Variants in DCAF6 observed in about 807,000 individuals in gnomAD.
DCAF6 encodes the protein DDB1- and CUL4-associated factor 6.
Under a neutral mutation model 125.1 loss-of-function variants are expected in DCAF6, and 54 were observed. The observed-to-expected ratio is 0.43, with a 90% CI of 0.35 to 0.54. The LOEUF (loss-of-function observed/expected upper bound fraction) is 0.54. Among genes scored for constraint, DCAF6 ranks in the 20% least tolerant of loss-of-function variants. The probability of loss-of-function intolerance (pLI) is 0.01; values close to 1 mark genes in which losing one functional copy is unlikely to be tolerated. For synonymous variants in DCAF6, 371 were observed against 390.4 expected (o/e 0.95, Z 0.58); for missense variants, 934 against 1,161.7 (o/e 0.80, Z 2.85).
intron 1 of DCAF6, among the ~76,000 whole-genome samples, chr1:167,943,425 G>T (rs76636756): frequency 0.024 from 3,661 of 152,140 alleles, 130 homozygotes; most frequent in African/African-American, 0.081. Flanking sequence ...AGCATTCTTT[G>T]ATTCTCTCAG....
intron 21 of DCAF6, among the ~76,000 whole-genome samples, chr1:168,074,135 G>C (rs929467257): frequency 6.6e-6 from 1 of 151,730 alleles, no homozygotes; most frequent in Non-Finnish European, 1.5e-5. Flanking sequence ...AGTTGGCATA[G>C]AGGAGATTTA....
intron 1 of DCAF6, among the ~76,000 whole-genome samples, chr1:167,938,074 C>G (rs977805125): frequency 6.6e-6 from 1 of 152,138 alleles, no homozygotes; most frequent in Non-Finnish European, 1.5e-5. Flanking sequence ...TTTAGTGTCT[C>G]AAGTAAAATA....
At chr1:167,900,734 G>T in the DCAF6 span, among the ~76,000 whole-genome samples, 1 of 152,152 alleles carries the variant, frequency 6.6e-6, no homozygotes, top group Non-Finnish European at 1.5e-5. Context: ...GTTTCACCAT[G>T]TTGGTCAGGC....
chr1:168,026,077 A>T (rs1479546881), intron 12 of DCAF6, among the ~76,000 whole-genome samples: 1 of 152,080 alleles, frequency 6.6e-6, no homozygotes, highest in Non-Finnish European at 1.5e-5. Context: ...ACTCACTGAG[A>T]TGTTACTCTC....
chr1:167,936,192 A>C, upstream of DCAF6: 1 of 269,022 alleles, frequency 3.7e-6, no homozygotes, highest in Non-Finnish European at 7.2e-6. Flanking sequence ...GCCCGCCATG[A>C]TTGGCCCGCC....
At chr1:167,918,594 C>CTTTT in the DCAF6 span, among the ~76,000 whole-genome samples, 5 of 133,190 alleles carry the variant, frequency 3.8e-5, no homozygotes, top group Non-Finnish European at 4.8e-5. Flanking sequence ...CTGCCAAAAA[C>CTTTT]TTTTTTTTTT....
chr1:167,940,220 A>T (rs934306233), intron 1 of DCAF6, among the ~76,000 whole-genome samples: 2 of 152,364 alleles, frequency 1.3e-5, no homozygotes, highest in Admixed American at 6.5e-5. Flanking sequence ...GTTATTTATG[A>T]TTAAAAGATA....
At chr1:167,888,794 T>C in the DCAF6 span, among the ~76,000 whole-genome samples, 1 of 104,830 alleles carries the variant, frequency 9.5e-6, no homozygotes, top group Non-Finnish European at 1.9e-5. Context: ...GAGAATAGAG[T>C]GAACCCGGGA....
At chr1:167,937,188 C>T (rs1671406045) in intron 1 of DCAF6, 180 bp downstream of exon 1, 1 of 612,294 alleles carries the variant, frequency 1.6e-6, no homozygotes, top group Non-Finnish European at 3.0e-6. Flanking sequence ...GTCAAGCCCC[C>T]TGTGCATGCT....
intron 18 of DCAF6, chr1:168,064,079 A>ATTTTTTTTTTTTT: frequency 1.1e-5 from 1 of 92,412 alleles, no homozygotes; most frequent in Non-Finnish European, 2.1e-5. Flanking sequence ...TTTCTGGTGG[A>ATTTTTTTTTTTTT]TTTTTTTTTT....
the DCAF6 span, among the ~76,000 whole-genome samples, chr1:167,916,195 T>C: frequency 6.7e-6 from 1 of 149,706 alleles, no homozygotes; most frequent in Non-Finnish European, 1.5e-5. Context: ...AATGAGAGTT[T>C]TTGACAGGAT....
chr1:168,068,286 G>T, intron 20 of DCAF6, 72 bp from the exon 21 acceptor site: 1 of 1,038,890 alleles, frequency 9.6e-7, no homozygotes, highest in Admixed American at 1.9e-5. Context: ...ATTGTTTACG[G>T]TTTGCCTGAT....
intron 2 of DCAF6, among the ~76,000 whole-genome samples, chr1:167,953,997 A>G (rs1177668799): frequency 1.3e-5 from 2 of 149,860 alleles, no homozygotes; most frequent in Non-Finnish European, 3.0e-5. Flanking sequence ...CATTATTTTC[A>G]CTCTGTAGTT....
the DCAF6 span, among the ~76,000 whole-genome samples, chr1:167,888,640 G>T: frequency 6.6e-6 from 1 of 152,076 alleles, no homozygotes; most frequent in African/African-American, 2.4e-5. Flanking sequence ...ACTTTGGGAG[G>T]CCGAGGCGGG....
At chr1:167,975,496 A>C (rs1678012182) in intron 4 of DCAF6, among the ~76,000 whole-genome samples, 1 of 152,228 alleles carries the variant, frequency 6.6e-6, no homozygotes, top group Non-Finnish European at 1.5e-5. Context: ...AGGTGGAATA[A>C]ATTTAAGACT....
intron 2 of DCAF6, among the ~76,000 whole-genome samples, chr1:167,956,601 T>G (rs955017151): frequency 1.3e-5 from 2 of 152,130 alleles, no homozygotes; most frequent in Admixed American, 6.5e-5. Flanking sequence ...TCTGCAGACT[T>G]TGGGTTTCAT....
At chr1:167,909,882 T>C in the DCAF6 span, among the ~76,000 whole-genome samples, 3 of 152,140 alleles carry the variant, frequency 2.0e-5, no homozygotes, top group Non-Finnish European at 2.9e-5. Flanking sequence ...AAAGAGGAAG[T>C]AAAAGCTGAA....
At chr1:167,894,540 T>C in the DCAF6 span, among the ~76,000 whole-genome samples, 1 of 151,738 alleles carries the variant, frequency 6.6e-6, no homozygotes, top group African/African-American at 2.4e-5. Flanking sequence ...TAGGAATGAG[T>C]TTGAGGGAGT....
the DCAF6 span, among the ~76,000 whole-genome samples, chr1:167,890,540 C>G: frequency 6.6e-6 from 1 of 152,122 alleles, no homozygotes; most frequent in Non-Finnish European, 1.5e-5. Context: ...TTGCCCAAGG[C>G]CCACTGTGAC....
Sources: allele counts gnomAD v4.1 joint callset (sites outside exome capture counted in the v4.1 genomes callset), GRCh38; gene constraint gnomAD v4.1.1; transcripts MANE v1.5; gene names NCBI Gene and HGNC (gene_info 2026-07-23, HGNC 2026-07-21).